CYP51A1: variants seen among roughly 807,000 people sequenced by gnomAD.
CYP51A1 encodes the protein lanosterol 14-alpha demethylase.
CYP51A1 carries 45 observed loss-of-function variants against 53.5 expected under a neutral mutation model. The observed-to-expected ratio is 0.84, with a 90% CI of 0.66 to 1.08. The LOEUF (loss-of-function observed/expected upper bound fraction) is 1.08. Among genes scored for constraint, CYP51A1 ranks in the 50% least tolerant of loss-of-function variants. The pLI is 0.00. For missense variants in CYP51A1, 462 were observed against 621.7 expected, an observed-to-expected ratio of 0.74 and a Z score of 2.73; for synonymous variants, 181 against 217.7, an observed-to-expected ratio of 0.83 and a Z score of 1.48.
chr7:92,123,808 C>T lies in CYP51A1; in HGVS notation c.816G>A (p.Lys272=). 6.2e-7 allele frequency: 1 copy of T among 1,609,244 alleles called. No homozygotes were observed. The highest frequency in any genetic ancestry group is 1.1e-5 in the South Asian group (1 of 90,598). The change falls in exon 6 of 10, where the codon AAG becomes AAA. Residue 272 remains lysine (K), a synonymous_variant. Coordinates refer to ENST00000003100, the MANE Select transcript of CYP51A1 (RefSeq NM_000786.4). ...GAGACTGTCTGCGTTTCTGGATTGCCTTATAGAAAATATCCTTGATTTCCC... is the reference window on the plus strand; with the variant it reads ...GAGACTGTCTGCGTTTCTGGATTGCTTTATAGAAAATATCCTTGATTTCCC... The part of the protein sequence containing the change: ...AHREIKDIFY[K]AIQKRRQSQE...
chr7:92,126,702 T>C (rs547231742), intron 4 of CYP51A1, among the ~76,000 whole-genome samples: 4 of 152,312 alleles, frequency 2.6e-5, no homozygotes, highest in African/African-American at 4.8e-5. Flanking sequence ...ATGTGGTTAT[T>C]TGATTTCCAG....
chr7:92,122,702 G>C (rs1042156724), intron 7 of CYP51A1, among the ~76,000 whole-genome samples: 4 of 152,172 alleles, frequency 2.6e-5, no homozygotes, highest in African/African-American at 9.7e-5. Flanking sequence ...ATTTGTAAAT[G>C]TCTTGTCCTC....
intron 9 of CYP51A1, among the ~76,000 whole-genome samples, chr7:92,114,979 T>C (rs189039550): frequency 5.1e-4 from 78 of 152,280 alleles, no homozygotes; most frequent in African/African-American, 1.8e-3. Context: ...TACAAATTGG[T>C]CCATATTTCA....
At chr7:92,132,102 C>G (rs750105696) in intron 1 of CYP51A1, among the ~76,000 whole-genome samples, 1 of 152,124 alleles carries the variant, frequency 6.6e-6, no homozygotes, top group Non-Finnish European at 1.5e-5. Flanking sequence ...ATAAGATAAA[C>G]GACCAGATAA....
chr7:92,126,343 T>C lies in CYP51A1; in HGVS notation c.680A>G (p.Glu227Gly), dbSNP rs748357739. Residue 227 changes from glutamate to glycine, a missense_variant, in exon 5 of 10, where the codon GAA (glutamate) becomes GGA (glycine). Transcript: ENST00000003100. ...ATCTGCATACAGCTGTGCTACCTTT[T>C]CATTGAGTTGACTTCTGATTTCCTT... The part of the protein sequence containing the change: ...HGKEIRSQLN[E>G]KVAQLYADLD... 4 of 1,613,332 alleles carry C rather than the reference T, an allele frequency of 2.5e-6. No individual in the cohort carries two copies. Among genetic ancestry groups the C allele is most frequent in the Admixed American group, 3.3e-5 (2 of 60,006 alleles).
Position 92,134,246 on chromosome 7 carries a change from C to G in CYP51A1, c.119G>C (p.Cys40Ser), listed in dbSNP as rs765865740. 3.1e-6 allele frequency: 5 copies of G among 1,613,438 alleles called. No homozygotes were observed. In the African/African-American group the frequency reaches 6.7e-5, roughly 22 times the overall value. Reference protein sequence around the residue: ...GNLLSMLLIACAFTLSLVYLI... With the variant: ...GNLLSMLLIASAFTLSLVYLI... ...GTAGACCAGGCTGAGGGTGAAGGCG[C>G]AGGCGATCAGCAGCATGGACAAGAG... Residue 40 changes from cysteine (C) to serine (S), a missense_variant, in exon 1 of 10, where the codon TGC becomes TCC. Physicochemically the swap from Cys to Ser is moderately radical, Grantham distance 112. Transcript: ENST00000003100.
chr7:92,130,601 A>C (rs191159545), intron 2 of CYP51A1, among the ~76,000 whole-genome samples: 92 of 152,324 alleles, frequency 6.0e-4, no homozygotes, highest in Non-Finnish European at 8.1e-4. Flanking sequence ...TACTGGCATA[A>C]AGTAAGTGTT....
At chr7:92,131,322 A>G (rs571360996) in intron 2 of CYP51A1, among the ~76,000 whole-genome samples, 2 of 152,336 alleles carry the variant, frequency 1.3e-5, no homozygotes, top group African/African-American at 4.8e-5. Context: ...GGCACAGGGA[A>G]GCTCATTAGA....
Position 92,113,232 on chromosome 7 carries a change from A to AGAT in CYP51A1, c.*430_*432dup, listed in dbSNP as rs1373585197. On this transcript the variant is annotated 3_prime_UTR_variant, in exon 10 of 10. Coordinates refer to ENST00000003100, the MANE Select transcript of CYP51A1 (RefSeq NM_000786.4). ...ATCCTCACACACACAATAATTGCCC[A>AGAT]GATAAATAATAATAAACTGTGGTTT... 2 of 156,614 alleles carry AGAT rather than the reference A, an allele frequency of 1.3e-5. No homozygotes were observed. Among genetic ancestry groups the AGAT allele is most frequent in the African/African-American group, 4.8e-5 (2 of 41,502 alleles). 9.7% of individuals were successfully genotyped at this position (156,614 alleles called of 1,614,324 possible). A position where few individuals can be genotyped will look rare whatever the true frequency, so the allele number is the denominator to read the frequency against.
chr7:92,115,431 T>C (rs971477828), intron 9 of CYP51A1, among the ~76,000 whole-genome samples: 3 of 152,178 alleles, frequency 2.0e-5, no homozygotes, highest in Non-Finnish European at 2.9e-5. Context: ...AGAAAGCCTG[T>C]TGAAGACAGG....
intron 7 of CYP51A1, among the ~76,000 whole-genome samples, chr7:92,121,237 G>A (rs368761016): frequency 3.0e-4 from 45 of 151,116 alleles, no homozygotes; most frequent in Middle Eastern, 3.4e-3. Context: ...AGCCAAGGTC[G>A]CGCCATTGCA....
chr7:92,112,847 A>AAGG lies in CYP51A1; in HGVS notation c.*817_*818insCCT, dbSNP rs1554477023. The AAGG allele has an allele frequency of 1.1e-4, 17 of 150,410 alleles. No individual in the cohort carries two copies. Among genetic ancestry groups the AAGG allele is most frequent in the African/African-American group, 3.7e-4 (15 of 40,148 alleles). The allele number at this position is 150,410 out of a possible 1,614,324, so 9.3% of individuals were successfully genotyped here. A position where few individuals can be genotyped will look rare whatever the true frequency, so the allele number is the denominator to read the frequency against. On this transcript the variant is annotated 3_prime_UTR_variant, in exon 10 of 10. Coordinates refer to ENST00000003100, the MANE Select transcript of CYP51A1 (RefSeq NM_000786.4). ...CCATCTCAAAAAAAAAAAAAAAAAAAGGAAGCAGGGAACAACTGAGCCAAA... is the reference window on the plus strand; with the variant it reads ...CCATCTCAAAAAAAAAAAAAAAAAAAAGGGGAAGCAGGGAACAACTGAGCCAAA...
At chr7:92,114,526 C>T (rs1264976034) in intron 9 of CYP51A1, among the ~76,000 whole-genome samples, 3 of 152,206 alleles carry the variant, frequency 2.0e-5, no homozygotes, top group African/African-American at 4.8e-5. Flanking sequence ...ATTATCAGTA[C>T]AGACACCAAA....
chr7:92,113,899 G>T, intron 9 of CYP51A1, 56 bp from the exon 10 acceptor site: 2 of 1,209,016 alleles, frequency 1.7e-6, no homozygotes, highest in Non-Finnish European at 2.3e-6. Context: ...ATCCTTTTTA[G>T]CCTGGGGTGA....
intron 5 of CYP51A1, 50 bp from the exon 6 acceptor site, chr7:92,123,903 T>A: frequency 6.9e-7 from 1 of 1,449,772 alleles, no homozygotes; most frequent in South Asian, 1.4e-5. Context: ...AATAACCTTC[T>A]AGGATCAAAT....
rs369862554 is a variant in CYP51A1 at position 92,126,423 on chromosome 7, C to T, written c.600G>A (p.Val200=). 2.2e-5 allele frequency: 36 copies of T among 1,610,798 alleles called. No homozygotes were observed. The highest frequency in any genetic ancestry group is 6.7e-5 in the African/African-American group (5 of 74,692). Residue 200 remains valine (V), a synonymous_variant, in exon 5 of 10, where the codon GTG becomes GTA. Transcript: ENST00000003100. ...ESWGESGEKN[V]FEALSELIIL... Reference sequence around the variant, plus strand: ...TTATGAGCTCAGAAAGAGCTTCAAACACATCTAGGGAGAAAAAAAAGATTA... The same window carrying T: ...TTATGAGCTCAGAAAGAGCTTCAAATACATCTAGGGAGAAAAAAAAGATTA...
chr7:92,123,008 G>T, intron 7 of CYP51A1, 112 bp downstream of exon 7: 1 of 756,358 alleles, frequency 1.3e-6, no homozygotes, highest in Non-Finnish European at 2.1e-6. Context: ...AAATAGAGAA[G>T]CTGATCAATT....
Position 92,117,231 on chromosome 7 carries a change from C to G in CYP51A1, c.1183-19G>C. On this transcript the variant is annotated intron_variant, in intron 8 of 9. Coordinates refer to ENST00000003100, the MANE Select transcript of CYP51A1 (RefSeq NM_000786.4). Reference sequence around the variant, plus strand: ...CCACAGTCTATAAACAAAAGCCACACATTTCATTAGAGAATTTAAAAATGT... The same window carrying G: ...CCACAGTCTATAAACAAAAGCCACAGATTTCATTAGAGAATTTAAAAATGT... 1 of 1,600,348 alleles carries G rather than the reference C, an allele frequency of 6.2e-7. No homozygotes were observed. Among genetic ancestry groups the G allele is most frequent in the Non-Finnish European group, 8.5e-7 (1 of 1,173,098 alleles).
chr7:92,131,903 C>T (rs778635975), intron 1 of CYP51A1, 31 bp from the exon 2 acceptor site: 7 of 1,313,048 alleles, frequency 5.3e-6, no homozygotes, highest in African/African-American at 1.5e-5. Flanking sequence ...AAATTCAATT[C>T]GTGTTTCATT....
Sources: gnomAD v4.1 joint callset for allele counts (sites outside exome capture counted in the v4.1 genomes callset) on GRCh38, gnomAD v4.1.1 for gene constraint, MANE v1.5 for transcripts, NCBI Gene and HGNC (gene_info 2026-07-23, HGNC 2026-07-21) for gene names.